The following ABCC4 variants were observed in gnomAD, a reference collection of about 807,000 sequenced individuals.
ABCC4 encodes the protein ATP binding cassette subfamily C member 4 (PEL blood group), also known as ATP-binding cassette sub-family C member 4.
A neutral mutation model predicts 168.5 loss-of-function variants in ABCC4; 102 were observed. The observed-to-expected ratio is 0.61, with a 90% confidence interval of 0.52 to 0.71. The LOEUF (loss-of-function observed/expected upper bound fraction) is 0.71, where lower values mean the gene tolerates loss of function less well. Among genes scored for constraint, ABCC4 ranks in the 30% least tolerant of loss-of-function variants. The pLI is 0.00. For missense variants in ABCC4, 1,402 were observed against 1,605.8 expected, an observed-to-expected ratio of 0.87 and a Z score of 2.17; for synonymous variants, 617 against 590.7, an observed-to-expected ratio of 1.04 and a Z score of -0.65.
chr13:95,219,682 A>G (rs535472324), intron 4 of ABCC4, among the ~76,000 whole-genome samples: 136 of 151,954 alleles, frequency 9.0e-4, no homozygotes, highest in Non-Finnish European at 1.7e-3. Flanking sequence ...TTTGGAGGGT[A>G]GAACAGGGAG....
At chr13:95,225,887 C>T (rs1483455930) in intron 4 of ABCC4, among the ~76,000 whole-genome samples, 2 of 145,680 alleles carry the variant, frequency 1.4e-5, no homozygotes, top group Non-Finnish European at 3.0e-5. Flanking sequence ...GTAATCCCAA[C>T]ACTTTGGCAG....
chr13:95,116,100 G>A (rs1299800261), intron 19 of ABCC4, 99 bp from the exon 20 acceptor site: 22 of 802,306 alleles, frequency 2.7e-5, no homozygotes, highest in South Asian at 7.7e-5. Flanking sequence ...AAATGCATAT[G>A]TATTTAATAT....
In ABCC4 at chr13:95,210,666, A is replaced by G. The variant is rs368164230; in HGVS notation, c.621+26T>C. ...GAAAGAGGGGTGTTTAATGCAATGA[A>G]AAAGGATCCCTGAGCTGCAGCTTAC... On this transcript the variant is annotated intron_variant, in intron 5 of 30. Transcript: ENST00000645237. 3.1e-6 allele frequency: 5 copies of G among 1,596,976 alleles called. No homozygotes were observed. The South Asian group carries it at 3.3e-5, about 11-fold the overall frequency.
At chr13:95,110,280 G>A (rs1283452838) in intron 20 of ABCC4, among the ~76,000 whole-genome samples, 1 of 142,882 alleles carries the variant, frequency 7.0e-6, no homozygotes, top group Non-Finnish European at 1.5e-5. Context: ...CTGCACTCCA[G>A]CCTGGGTGAT....
At chr13:95,041,068 T>C (rs35674589) in intron 29 of ABCC4, among the ~76,000 whole-genome samples, 14,951 of 152,238 alleles carry the variant, frequency 0.098, 981 homozygotes, top group Admixed American at 0.17. Context: ...CAGCTAATCC[T>C]AAAAACTACA....
chr13:95,159,582 T>C (rs1288059563), intron 19 of ABCC4, among the ~76,000 whole-genome samples: 1 of 152,156 alleles, frequency 6.6e-6, no homozygotes, highest in African/African-American at 2.4e-5. Context: ...CCGAGGCCTG[T>C]GATAACAGAA....
chr13:95,177,664 G>A (rs749838951), intron 13 of ABCC4, 43 bp downstream of exon 13: 4 of 1,547,348 alleles, frequency 2.6e-6, no homozygotes, highest in Non-Finnish European at 3.5e-6. Context: ...ACTCGAAATG[G>A]CTCTGGAAAA....
chr13:95,197,481 G>C (rs1212215209), intron 8 of ABCC4, among the ~76,000 whole-genome samples: 1 of 152,166 alleles, frequency 6.6e-6, no homozygotes, highest in Admixed American at 6.5e-5. Flanking sequence ...AGACAGACAT[G>C]ATAATAGTTT....
chr13:95,054,174 T>C lies in ABCC4; in HGVS notation c.3367-990A>G, dbSNP rs563077365. 2.0e-5 allele frequency among the ~76,000 whole-genome samples: 3 copies of C among 152,008 alleles called. No individual in the cohort carries two copies. In the East Asian group the frequency reaches 5.8e-4, roughly 29 times the overall value. ...CATTATCTCATCTGTGCATCAAGGT[T>C]ACCTGGGTCACAGAACCTCATTATT... On this transcript the variant is annotated intron_variant, in intron 26 of 30. Coordinates refer to ENST00000645237, the MANE Select transcript of ABCC4 (RefSeq NM_005845.5).
intron 11 of ABCC4, among the ~76,000 whole-genome samples, chr13:95,179,615 G>A (rs960538140): frequency 6.6e-6 from 1 of 152,150 alleles, no homozygotes; most frequent in Admixed American, 6.5e-5. Context: ...ATCTTTACTT[G>A]GATGGCCTAT....
At chr13:95,177,590 T>G in intron 13 of ABCC4, 117 bp downstream of exon 13, 6 of 727,394 alleles carry the variant, frequency 8.2e-6, no homozygotes, top group South Asian at 2.0e-5. Context: ...CAGGGGACAG[T>G]GTGGGGAGGG....
chr13:95,288,866 T>C (rs1275402936), intron 1 of ABCC4, among the ~76,000 whole-genome samples: 3 of 152,154 alleles, frequency 2.0e-5, no homozygotes, highest in African/African-American at 7.2e-5. Context: ...CAATAATAGG[T>C]AAAATCTATT....
At chr13:95,044,138 T>G in intron 28 of ABCC4, 128 bp downstream of exon 28, 1 of 993,224 alleles carries the variant, frequency 1.0e-6, no homozygotes, top group Non-Finnish European at 1.4e-6. Flanking sequence ...CAGAATGAAT[T>G]TATCCATGTT....
intron 27 of ABCC4, among the ~76,000 whole-genome samples, chr13:95,048,642 G>A (rs2032695507): frequency 6.6e-6 from 1 of 152,172 alleles, no homozygotes; most frequent in Non-Finnish European, 1.5e-5. Context: ...CAGAGGATGT[G>A]GACACTGCTG....
At chr13:95,192,424 C>A (rs747324546) in intron 9 of ABCC4, among the ~76,000 whole-genome samples, 1 of 152,176 alleles carries the variant, frequency 6.6e-6, no homozygotes, top group South Asian at 2.1e-4. Flanking sequence ...GTTTACAATG[C>A]AGCTGTCAAT....
chr13:95,044,285 T>A lies in ABCC4; in HGVS notation c.3610A>T (p.Thr1204Ser). 7 of 1,612,644 alleles carry A rather than the reference T, an allele frequency of 4.3e-6. No homozygotes were observed. The highest frequency in any genetic ancestry group is 5.9e-6 in the Non-Finnish European group (7 of 1,179,382). ...TTATACCTTGGATCCACATTTGCCG[T>A]CGCTTCATCAATAATCAATATCTGA... is the stretch of plus-strand genomic sequence containing the variant. ...KNQILIIDEATANVDPRTDEL... is the reference protein window; with the variant it reads ...KNQILIIDEASANVDPRTDEL... The change falls in exon 28 of 31, where the codon ACG (threonine) becomes TCG (serine). Residue 1204 changes from threonine (T) to serine (S), a missense_variant. By Grantham distance (58) the Thr-to-Ser change is moderately conservative. Transcript: ENST00000645237.
chr13:95,242,175 A>C (rs2039965351), intron 3 of ABCC4, among the ~76,000 whole-genome samples: 1 of 152,172 alleles, frequency 6.6e-6, no homozygotes, highest in Non-Finnish European at 1.5e-5. Context: ...ACAAGACCAA[A>C]AAATGAAAAG....
chr13:95,272,780 C>A (rs570268813), intron 1 of ABCC4, among the ~76,000 whole-genome samples: 6 of 127,672 alleles, frequency 4.7e-5, no homozygotes, highest in Admixed American at 2.2e-4. Context: ...CCCCGCTACT[C>A]GAGAGGCTGA....
rs201454832 is a variant in ABCC4, at chr13:95,026,731, GA to G, written c.3871-5050del. On this transcript the variant is annotated intron_variant, in intron 30 of 30. Coordinates refer to ENST00000645237, the MANE Select transcript of ABCC4 (RefSeq NM_005845.5). The stretch of plus-strand genomic sequence containing the variant: ...CAGTGAGACCTTGTCTCTATGGGGG[GA>G]AAAAAAATTAGCCAGGTATGGTGGC... Among the ~76,000 whole-genome samples the G allele has an allele frequency of 1.2e-3, 178 of 151,734 alleles. 1 individual carries two copies. The highest frequency in any genetic ancestry group is 8.3e-3 in the East Asian group (43 of 5,152).
Sources: allele counts gnomAD v4.1 joint callset (sites outside exome capture counted in the v4.1 genomes callset), GRCh38; gene constraint gnomAD v4.1.1; transcripts MANE v1.5; gene names NCBI Gene and HGNC (gene_info 2026-07-23, HGNC 2026-07-21).